Variants in ZNF536 observed in about 807,000 individuals in gnomAD.
ZNF536 encodes the protein zinc finger protein 536.
A neutral mutation model predicts 84.5 loss-of-function variants in ZNF536; 13 were observed. The observed-to-expected ratio is 0.15, with a 90% CI of 0.10 to 0.24. ZNF536 has a LOEUF of 0.24. Ranked by LOEUF, ZNF536 falls within the 10% of genes least tolerant of loss-of-function variation. ZNF536 has a pLI of 1.00. For missense variants in ZNF536, 1,536 were observed against 1,747.5 expected (o/e 0.88, Z 2.16); for synonymous variants, 811 against 742.5 (o/e 1.09, Z -1.50).
At chr19:30,599,729 T>C (rs751679265) in intron 1 of ZNF536, among the ~76,000 whole-genome samples, 2 of 152,098 alleles carry the variant, frequency 1.3e-5, no homozygotes, top group Non-Finnish European at 2.9e-5. Flanking sequence ...CGGAAAACAA[T>C]GGCAGACAGT....
At chr19:30,359,489 G>A (rs560582707) in intron 3 of ZNF536, among the ~76,000 whole-genome samples, 2 of 152,310 alleles carry the variant, frequency 1.3e-5, no homozygotes, top group African/African-American at 2.4e-5. Context: ...GGGTAAGGCC[G>A]TTGCTCAGAT....
Position 30,310,966 on chromosome 19 carries a change from C to T in ZNF536, c.-120+26825C>T, listed in dbSNP as rs940435304. ...GACTCAGGGCCCCGGCTCCCTTGCC[C>T]GTGGGTTTTTGTAAGGTTGGTTCAG... On this transcript the variant is annotated intron_variant, in intron 2 of 5. Coordinates refer to the ZNF536 transcript ENST00000585628. 6.6e-5 allele frequency among the ~76,000 whole-genome samples: 10 copies of T among 152,152 alleles called. No homozygotes were observed. The East Asian group carries it at 9.6e-4, about 15-fold the overall frequency.
intron 4 of ZNF536, chr19:30,555,668 G>A (rs2045939929): frequency 1.3e-5 from 2 of 152,260 alleles, no homozygotes; most frequent in Admixed American, 1.3e-4. Context: ...TTGGAAGGAA[G>A]CCATGGCTGG....
intron 1 of ZNF536, among the ~76,000 whole-genome samples, chr19:30,280,620 C>T (rs1010742697): frequency 2.0e-5 from 3 of 152,228 alleles, no homozygotes; most frequent in African/African-American, 7.2e-5. Flanking sequence ...GCAGGAAACT[C>T]GCTGGCCTGG....
At chr19:30,439,991 C>T (rs1290224705) in intron 1 of ZNF536, among the ~76,000 whole-genome samples, 12 of 121,676 alleles carry the variant, frequency 9.9e-5, no homozygotes, top group African/African-American at 1.7e-4. Context: ...GACAGAGTCT[C>T]GCTCTGTTGC....
intron 1 of ZNF536, among the ~76,000 whole-genome samples, chr19:30,624,087 G>T (rs570376992): frequency 6.6e-6 from 1 of 152,254 alleles, no homozygotes; most frequent in East Asian, 1.9e-4. Flanking sequence ...CTGGCGTATT[G>T]TGGGGTGTGT....
intron 1 of ZNF536, among the ~76,000 whole-genome samples, chr19:30,399,677 ATGTT>A (rs1055284927): frequency 9.3e-6 from 1 of 107,026 alleles, no homozygotes; most frequent in African/African-American, 3.4e-5. Context: ...TAAATAAGAA[ATGTT>A]TTTTTTTTTT....
At chr19:30,468,940 C>G (rs766399381) in intron 2 of ZNF536, among the ~76,000 whole-genome samples, 14 of 151,988 alleles carry the variant, frequency 9.2e-5, no homozygotes, top group Non-Finnish European at 1.9e-4. Flanking sequence ...ATTGTCACAC[C>G]CACCCCATAA....
chr19:30,543,587 G>T (rs895813837), intron 3 of ZNF536, among the ~76,000 whole-genome samples: 3 of 152,206 alleles, frequency 2.0e-5, no homozygotes, highest in African/African-American at 7.2e-5. Context: ...AGAGCGCTTG[G>T]GTAGAAGAGC....
At chr19:30,493,922 G>A (rs2054611557) in intron 2 of ZNF536, among the ~76,000 whole-genome samples, 2 of 152,112 alleles carry the variant, frequency 1.3e-5, no homozygotes, top group Non-Finnish European at 2.9e-5. Flanking sequence ...CAACTCTTCC[G>A]AGAAGCACAG....
intron 1 of ZNF536, among the ~76,000 whole-genome samples, chr19:30,403,492 C>T (rs754180238): frequency 5.9e-5 from 9 of 152,172 alleles, no homozygotes; most frequent in Non-Finnish European, 1.0e-4. Flanking sequence ...AGGACTATCT[C>T]CAATCAGGTC....
chr19:30,302,964 A>G (rs117635820), intron 2 of ZNF536, among the ~76,000 whole-genome samples: 5,661 of 152,186 alleles, frequency 0.037, 171 homozygotes, highest in Non-Finnish European at 0.055. Flanking sequence ...TGGCAGGGAC[A>G]TTTTTCTTGT....
chr19:30,327,971 G>T (rs115082317), intron 2 of ZNF536, among the ~76,000 whole-genome samples: 1,721 of 152,314 alleles, frequency 0.011, 36 homozygotes, highest in African/African-American at 0.038. Flanking sequence ...AGTGGGGACA[G>T]GTCAGACTCT....
At chr19:30,324,730 A>G (rs1427787542) in intron 2 of ZNF536, among the ~76,000 whole-genome samples, 2 of 152,196 alleles carry the variant, frequency 1.3e-5, no homozygotes, top group Non-Finnish European at 2.9e-5. Flanking sequence ...CAAGGAGATC[A>G]CCAACAATGA....
chr19:30,313,655 C>T (rs138079504), intron 2 of ZNF536, among the ~76,000 whole-genome samples: 4 of 152,200 alleles, frequency 2.6e-5, no homozygotes, highest in Non-Finnish European at 4.4e-5. Context: ...GGAGGGAGAG[C>T]CTCACAGCCT....
intron 1 of ZNF536, among the ~76,000 whole-genome samples, chr19:30,273,899 A>G (rs963738718): frequency 1.6e-4 from 25 of 152,248 alleles, no homozygotes; most frequent in African/African-American, 5.5e-4. Context: ...ATTAACACAT[A>G]TGCATGCATA....
chr19:30,461,176 C>T (rs958253353), intron 2 of ZNF536, among the ~76,000 whole-genome samples: 5 of 152,044 alleles, frequency 3.3e-5, no homozygotes, highest in African/African-American at 7.2e-5. Context: ...GAGGGGACAG[C>T]GTATCAGCGG....
At chr19:30,458,721 G>A (rs1363259571) in intron 2 of ZNF536, among the ~76,000 whole-genome samples, 1 of 152,092 alleles carries the variant, frequency 6.6e-6, no homozygotes, top group Non-Finnish European at 1.5e-5. Context: ...CAAAGTGCTG[G>A]GATTACAGGC....
At chr19:30,344,957 A>T (rs2047693866) in intron 2 of ZNF536, among the ~76,000 whole-genome samples, 1 of 152,170 alleles carries the variant, frequency 6.6e-6, no homozygotes. Context: ...ATTGGATGCT[A>T]CTTTCTGTAA....
Sources: allele counts gnomAD v4.1 joint callset (sites outside exome capture counted in the v4.1 genomes callset), GRCh38; gene constraint gnomAD v4.1.1; transcripts MANE v1.5; gene names NCBI Gene and HGNC (gene_info 2026-07-23, HGNC 2026-07-21).